Variants in ARHGEF11 observed in about 807,000 individuals in gnomAD.
ARHGEF11 encodes Rho guanine exchange factor (GEF) 11.
A neutral mutation model predicts 193.7 loss-of-function variants in ARHGEF11; 55 were observed. The ratio of observed to expected loss-of-function variants is 0.28; its 90% CI spans 0.23 to 0.36. The LOEUF is 0.36. ARHGEF11 is among the 10% of genes least tolerant of loss of function. ARHGEF11 has a pLI of 1.00. For missense variants in ARHGEF11, 1,723 were observed against 2,005.6 expected (o/e 0.86, Z 2.69); for synonymous variants, 693 against 768.0 (o/e 0.90, Z 1.62).
intron 17 of ARHGEF11, among the ~76,000 whole-genome samples, chr1:156,958,115 A>C (rs1660234649): frequency 1.3e-5 from 2 of 152,226 alleles, no homozygotes; most frequent in African/African-American, 4.8e-5. Context: ...TGGCTTAACC[A>C]AGGTCACATA....
rs150691423 is a variant in ARHGEF11 at position 156,981,270 on chromosome 1, T to C, written c.224-784A>G. Among the ~76,000 whole-genome samples the C allele has an allele frequency of 7.6e-3, 1,157 of 152,234 alleles. 13 individuals carry two copies. Among genetic ancestry groups the C allele is most frequent in the African/African-American group, 0.026 (1,083 of 41,548 alleles). ...GTTGCCCAGGCTGGTCTTGAACTCCTGGGCTCAAGTGATCCTCCTGCCTTG... is the reference window on the plus strand; with the variant it reads ...GTTGCCCAGGCTGGTCTTGAACTCCCGGGCTCAAGTGATCCTCCTGCCTTG... On this transcript the variant is annotated intron_variant, in intron 3 of 40. Transcript: ENST00000368194.
At chr1:157,014,669 T>TC (rs1263936651) in intron 1 of ARHGEF11, among the ~76,000 whole-genome samples, 1 of 152,130 alleles carries the variant, frequency 6.6e-6, no homozygotes, top group African/African-American at 2.4e-5. Flanking sequence ...CACTTACCCC[T>TC]CAATCCACTG....
At chr1:156,953,933 C>T (rs916877402) in intron 21 of ARHGEF11, among the ~76,000 whole-genome samples, 18 of 152,150 alleles carry the variant, frequency 1.2e-4, no homozygotes, top group South Asian at 2.1e-4. Context: ...GGCAGTCAAA[C>T]GTCAAAAGAG....
At chr1:156,940,523 G>C in intron 35 of ARHGEF11, 98 bp from the exon 36 acceptor site, 1 of 1,101,582 alleles carries the variant, frequency 9.1e-7, no homozygotes. Flanking sequence ...TGGGAACACT[G>C]ACTTATTCTA....
chr1:157,000,018 C>T (rs1425257407), intron 1 of ARHGEF11, among the ~76,000 whole-genome samples: 1 of 152,222 alleles, frequency 6.6e-6, no homozygotes, highest in Non-Finnish European at 1.5e-5. Context: ...GGCTGGAGTG[C>T]AGTGGTGCGA....
chr1:156,937,338 T>A lies in ARHGEF11; in HGVS notation c.4351A>T (p.Ser1451Cys), dbSNP rs1228288756. ...AGGGCCAGGCTTGGAGGAGAGCGGC[T>A]GGGGCGTCTTGGATCATCGTTGCCT... is the stretch of plus-strand genomic sequence containing the variant. The part of the protein sequence containing the change: ...QGGNDDPRRP[S>C]RSPPSLALRD... Residue 1451 changes from serine to cysteine, a missense_variant, in exon 39 of 41, where the codon AGC becomes TGC. Physicochemically the swap from Ser to Cys is moderately radical, Grantham distance 112 (BLOSUM62 -1). Transcript: ENST00000368194. The A allele has an allele frequency of 3.1e-6, 5 of 1,613,508 alleles. No individual in the cohort carries two copies. Among genetic ancestry groups the A allele is most frequent in the Admixed American group, 1.7e-5 (1 of 59,916 alleles).
At chr1:157,010,464 C>T (rs1176836436) in intron 1 of ARHGEF11, among the ~76,000 whole-genome samples, 1 of 152,142 alleles carries the variant, frequency 6.6e-6, no homozygotes, top group African/African-American at 2.4e-5. Flanking sequence ...CTCTGTCACC[C>T]AGGCTGTAGT....
At chr1:156,937,114 T>C in intron 39 of ARHGEF11, 109 bp from the exon 40 acceptor site, 1 of 1,565,046 alleles carries the variant, frequency 6.4e-7, no homozygotes, top group South Asian at 1.2e-5. Context: ...TAAGGGTGGC[T>C]GGGCGGGCTG....
chr1:157,003,368 A>G (rs922735635), intron 1 of ARHGEF11, among the ~76,000 whole-genome samples: 8 of 152,206 alleles, frequency 5.3e-5, no homozygotes, highest in Non-Finnish European at 1.2e-4. Context: ...CTAAAACCTC[A>G]GATCACAAAT....
At chr1:156,955,421 C>G (rs1659807629) in intron 20 of ARHGEF11, among the ~76,000 whole-genome samples, 2 of 152,170 alleles carry the variant, frequency 1.3e-5, no homozygotes, top group South Asian at 4.1e-4. Context: ...GCGATCCTTG[C>G]CGAGGGGAAA....
At position 156,936,042 on chromosome 1, in the gene ARHGEF11, CA is replaced by C; in HGVS notation, c.4646del (p.Leu1549ArgfsTer149). ...PCPEDGSDAPLEDSTADAAAS... is the reference protein window; with the variant it reads ...PCPEDGSDAPXEDSTADAAAS... ...CGGCTGCGTCTGCTGTGCTGTCTTC[CA>C]GGGGGGCGTCAGAGCCTGTGGGAGG... is the stretch of plus-strand genomic sequence containing the variant. On this transcript the variant is annotated frameshift_variant, in exon 41 of 41. Coordinates refer to ENST00000368194, the MANE Select transcript of ARHGEF11 (RefSeq NM_198236.3). LOFTEE classifies it low-confidence loss of function (END_TRUNC). 3 of 1,613,960 alleles carry C rather than the reference CA, an allele frequency of 1.9e-6. No individual in the cohort carries two copies. Among genetic ancestry groups the C allele is most frequent in the Non-Finnish European group, 2.5e-6 (3 of 1,179,898 alleles).
intron 36 of ARHGEF11, 90 bp from the exon 37 acceptor site, chr1:156,940,000 G>A (rs1301032991): frequency 1.3e-6 from 2 of 1,552,122 alleles, no homozygotes; most frequent in East Asian, 4.5e-5. Flanking sequence ...CCCCAAGGTG[G>A]TGACCTCAGG....
Position 157,016,211 on chromosome 1 carries a change from A to G in ARHGEF11, c.32+28088T>C, listed in dbSNP as rs1571512163. Among the ~76,000 whole-genome samples, 4 of 151,990 alleles carry G rather than the reference A, an allele frequency of 2.6e-5. No homozygotes were observed. The East Asian group carries it at 7.7e-4, about 29-fold the overall frequency. ...GAGCAACAAAAGGGAGCTACTTCTAATATTACTGTTTTTATTTATTTTATC... is the reference window on the plus strand; with the variant it reads ...GAGCAACAAAAGGGAGCTACTTCTAGTATTACTGTTTTTATTTATTTTATC... On this transcript the variant is annotated intron_variant, in intron 1 of 40. Transcript: ENST00000368194.
chr1:157,028,085 T>C (rs1305221724), intron 1 of ARHGEF11, among the ~76,000 whole-genome samples: 2 of 152,186 alleles, frequency 1.3e-5, no homozygotes, highest in Non-Finnish European at 2.9e-5. Flanking sequence ...AACAACTGCT[T>C]GGCTCAGCCC....
At chr1:156,952,238 G>A (rs1659217385) in intron 21 of ARHGEF11, among the ~76,000 whole-genome samples, 4 of 152,174 alleles carry the variant, frequency 2.6e-5, no homozygotes, top group African/African-American at 9.6e-5. Flanking sequence ...CGTAAGAGGT[G>A]ACCTAGGAGG....
At position 156,944,362 on chromosome 1, in the gene ARHGEF11, G is replaced by T. The variant is rs1341019591; in HGVS notation, c.3063C>A (p.Thr1021=). ...TCCCAGTCCCCTGGCACATACCCAA[G>T]GTCTTATCCTTGCTGATCCTCCAGG... ...PLTWRISKDK[T]LDLHVLLLED... is the part of the protein sequence containing the mutation. Residue 1021 remains threonine, a synonymous_variant, in exon 31 of 41, where the codon ACC becomes ACA. Transcript: ENST00000368194. 1.9e-6 allele frequency: 3 copies of T among 1,614,094 alleles called. No homozygotes were observed. The East Asian group carries it at 6.7e-5, about 36-fold the overall frequency.
chr1:156,969,952 T>C (rs2102292453), intron 9 of ARHGEF11, 46 bp downstream of exon 9: 1 of 1,602,818 alleles, frequency 6.2e-7, no homozygotes, highest in South Asian at 1.1e-5. Flanking sequence ...GTAAGAAACC[T>C]GGACTAGAGA....
chr1:156,943,164 G>C (rs1234498689), intron 32 of ARHGEF11, among the ~76,000 whole-genome samples: 1 of 151,734 alleles, frequency 6.6e-6, no homozygotes, highest in African/African-American at 2.4e-5. Context: ...GGGTTCAAGT[G>C]ATTCTCCTGC....
intron 11 of ARHGEF11, among the ~76,000 whole-genome samples, chr1:156,965,176 A>G (rs142916661): frequency 6.6e-6 from 1 of 152,328 alleles, no homozygotes; most frequent in African/African-American, 2.4e-5. Context: ...AGTTTTCAGA[A>G]GATGAAAAAA....
Sources: allele counts gnomAD v4.1 joint callset (sites outside exome capture counted in the v4.1 genomes callset), GRCh38; gene constraint gnomAD v4.1.1; transcripts MANE v1.5; gene names NCBI Gene and HGNC (gene_info 2026-07-23, HGNC 2026-07-21).